Variants in RPS6KA2 observed in about 807,000 individuals in gnomAD.
RPS6KA2 encodes the protein ribosomal protein S6 kinase A2.
In RPS6KA2, 42 loss-of-function variants were observed where a neutral mutation model predicts 91.8. The observed-to-expected ratio is 0.46, with a 90% CI of 0.36 to 0.59. RPS6KA2 has a LOEUF of 0.59. RPS6KA2 is among the 20% of genes least tolerant of loss of function. The pLI is 0.00. For synonymous variants in RPS6KA2, 414 were observed against 393.6 expected (o/e 1.05, Z -0.61); for missense variants, 798 against 978.5 (o/e 0.82, Z 2.46).
At chr6:166,596,194 C>T (rs979797265) in intron 1 of RPS6KA2, among the ~76,000 whole-genome samples, 4 of 152,128 alleles carry the variant, frequency 2.6e-5, no homozygotes, top group Non-Finnish European at 4.4e-5. Flanking sequence ...GTAAGGTCCA[C>T]GTGATGATCA....
At chr6:166,845,390 C>T (rs1054278642) in intron 2 of RPS6KA2, among the ~76,000 whole-genome samples, 1 of 152,084 alleles carries the variant, frequency 6.6e-6, no homozygotes, top group Non-Finnish European at 1.5e-5. Context: ...AACATCCTGC[C>T]CAACAACTGC....
intron 2 of RPS6KA2, among the ~76,000 whole-genome samples, chr6:166,535,765 C>T (rs558606765): frequency 6.6e-6 from 1 of 152,342 alleles, no homozygotes; most frequent in Admixed American, 6.5e-5. Flanking sequence ...AATTGCTTTT[C>T]ATTTTGAGGA....
At chr6:166,458,146 T>G (rs1009154288) in intron 12 of RPS6KA2, among the ~76,000 whole-genome samples, 3 of 152,174 alleles carry the variant, frequency 2.0e-5, no homozygotes, top group South Asian at 2.1e-4. Flanking sequence ...CTTGATATGG[T>G]TCAGCTTTGT....
chr6:166,730,106 C>G (rs958397296), intron 2 of RPS6KA2, among the ~76,000 whole-genome samples: 1 of 152,192 alleles, frequency 6.6e-6, no homozygotes, highest in South Asian at 2.1e-4. Context: ...ATGCATGTAA[C>G]TTTCTATATT....
At chr6:166,575,713 T>G (rs113309510) in intron 1 of RPS6KA2, among the ~76,000 whole-genome samples, 1,937 of 152,324 alleles carry the variant, frequency 0.013, 22 homozygotes, top group Non-Finnish European at 0.017. Flanking sequence ...AGGACACTAA[T>G]GGGTCCACTG....
intron 2 of RPS6KA2, among the ~76,000 whole-genome samples, chr6:166,850,648 A>G (rs4710120): frequency 0.96 from 145,805 of 152,262 alleles, 70,123 homozygotes; most frequent in East Asian, 1. Context: ...CCTCGGCCAG[A>G]GTCACAGATC....
intron 2 of RPS6KA2, among the ~76,000 whole-genome samples, chr6:166,840,608 G>A (rs770678527): frequency 1.3e-5 from 2 of 152,198 alleles, no homozygotes; most frequent in Non-Finnish European, 2.9e-5. Context: ...CAAAATGCCA[G>A]TGAGTTGTGT....
At chr6:166,850,528 A>T (rs996004062) in intron 2 of RPS6KA2, among the ~76,000 whole-genome samples, 1 of 152,194 alleles carries the variant, frequency 6.6e-6, no homozygotes, top group Non-Finnish European at 1.5e-5. Context: ...TTGTGCACTC[A>T]TAAAGAAATA....
At chr6:166,530,205 T>C (rs1319328766) in intron 3 of RPS6KA2, among the ~76,000 whole-genome samples, 3 of 152,198 alleles carry the variant, frequency 2.0e-5, no homozygotes, top group Admixed American at 2.0e-4. Context: ...CAGAGCCTCA[T>C]GGGGCCCCAA....
chr6:166,767,892 T>C lies in RPS6KA2; in HGVS notation c.123+90308A>G, dbSNP rs1778363980. ...CATGGCAGAGCCTGCTCTCACTGTT[T>C]GGGTGCAAACCTTGGGGGTTTTATT... On this transcript the variant is annotated intron_variant, in intron 2 of 21. Transcript: ENST00000503859. This position sits in a 1 kb window ranked among gnomAD's most constrained non-coding sequence, Gnocchi z 4.6. 6.6e-6 allele frequency among the ~76,000 whole-genome samples: 1 copy of C among 152,076 alleles called. No individual in the cohort carries two copies. Among genetic ancestry groups the C allele is most frequent in the African/African-American group, 2.4e-5 (1 of 41,388 alleles).
rs1779209050 is a variant in RPS6KA2, at chr6:166,433,681, TA to T, written c.1333-1192del. Among the ~76,000 whole-genome samples, 1 of 152,244 alleles carries T rather than the reference TA, an allele frequency of 6.6e-6. No individual in the cohort carries two copies. Among genetic ancestry groups the T allele is most frequent in the Non-Finnish European group, 1.5e-5 (1 of 68,040 alleles). On this transcript the variant is annotated intron_variant, in intron 14 of 20. Coordinates refer to ENST00000265678, the MANE Select transcript of RPS6KA2 (RefSeq NM_021135.6). This position sits in a 1 kb window ranked among gnomAD's most constrained non-coding sequence, Gnocchi z 4.4. ...GGAGACCGTGCAGTCATTTTACTACTAGAATATGAGGGTGACTTGCTTTTAA... is the reference window on the plus strand; with the variant it reads ...GGAGACCGTGCAGTCATTTTACTACTGAATATGAGGGTGACTTGCTTTTAA...
upstream of RPS6KA2, among the ~76,000 whole-genome samples, chr6:166,628,362 C>T (rs1374235022): frequency 1.3e-5 from 2 of 152,226 alleles, no homozygotes; most frequent in East Asian, 3.9e-4. Flanking sequence ...TGACATAGCA[C>T]CATCACCACC....
rs769218479 is a variant in RPS6KA2 at position 166,423,307 on chromosome 6, C to G, written c.1692G>C (p.Gly564=). 6.2e-7 allele frequency: 1 copy of G among 1,614,024 alleles called. No individual in the cohort carries two copies. Among genetic ancestry groups the G allele is most frequent in the South Asian group, 1.1e-5 (1 of 91,088 alleles). The change falls in exon 17 of 21, where the codon GGG becomes GGC. Residue 564 remains glycine, a synonymous_variant. Coordinates refer to ENST00000265678, the MANE Select transcript of RPS6KA2 (RefSeq NM_021135.6). This position sits in a 1 kb window ranked among gnomAD's most constrained non-coding sequence, Gnocchi z 4.8. The part of the protein sequence containing the change: ...DFGFAKQLRA[G]NGLLMTPCYT... ...AGCAGGGTGTCATGAGCAGCCCGTT[C>G]CCCGCGCGCAGCTGCTTGGCAAAGC... is the stretch of plus-strand genomic sequence containing the variant.
Position 166,419,911 on chromosome 6 carries a change from C to T in RPS6KA2, c.1791G>A (p.Leu597=), listed in dbSNP as rs1238506647. The T allele has an allele frequency of 1.2e-6, 2 of 1,613,884 alleles. No individual in the cohort carries two copies. The highest frequency in any genetic ancestry group is 1.3e-5 in the African/African-American group (1 of 74,926). Residue 597 remains leucine, a synonymous_variant, in exon 18 of 21, where the codon TTG becomes TTA. Transcript: ENST00000265678. The surrounding 1 kb of genome is among the most constrained non-coding windows in gnomAD (Gnocchi z 5.6). Reference sequence around the variant, plus strand: ...CCAGCATGGTGTACAACAGGATCCCCAAACTCCAGATGTCACACGCCGCAT... The same window carrying T: ...CCAGCATGGTGTACAACAGGATCCCTAAACTCCAGATGTCACACGCCGCAT... ...GYDAACDIWS[L]GILLYTMLAG... is the part of the protein sequence containing the mutation.
intron 2 of RPS6KA2, among the ~76,000 whole-genome samples, chr6:166,842,789 G>T (rs966251098): frequency 6.6e-6 from 1 of 152,184 alleles, no homozygotes; most frequent in African/African-American, 2.4e-5. Context: ...GGCAGGACTG[G>T]CTTGCAGCTC....
chr6:166,836,102 G>A (rs6941092), intron 2 of RPS6KA2, among the ~76,000 whole-genome samples: 103,444 of 151,732 alleles, frequency 0.68, 35,348 homozygotes, highest in Middle Eastern at 0.75. Flanking sequence ...TATTCTTTTT[G>A]TATGTTGCTG....
chr6:166,661,098 C>CTTTTTCTTTTTTCTTT (rs145279087), intron 2 of RPS6KA2, among the ~76,000 whole-genome samples: 40,361 of 151,624 alleles, frequency 0.27, 5,408 homozygotes, highest in East Asian at 0.35. Flanking sequence ...TGGCCAAAAT[C>CTTTTTCTTTTTTCTTT]TTTTTCTTTT....
At position 166,533,128 on chromosome 6, in the gene RPS6KA2, T is replaced by G. The variant is rs1783350112; in HGVS notation, c.217-1815A>C. ...AAGGCAGTGGTCTGAGGACAGGATT[T>G]TTACAGAGAGAAAAACATTAGTGCT... On this transcript the variant is annotated intron_variant, in intron 2 of 20. Coordinates refer to ENST00000265678, the MANE Select transcript of RPS6KA2 (RefSeq NM_021135.6). The surrounding 1 kb of genome is among the most constrained non-coding windows in gnomAD (Gnocchi z 4.0). 1.3e-5 allele frequency among the ~76,000 whole-genome samples: 2 copies of G among 152,188 alleles called. No individual in the cohort carries two copies. Among genetic ancestry groups the G allele is most frequent in the African/African-American group, 4.8e-5 (2 of 41,444 alleles).
rs1562427863 is a variant in RPS6KA2, at chr6:166,767,810, CA to C, written c.123+90389del. Among the ~76,000 whole-genome samples, 10 of 140,132 alleles carry C rather than the reference CA, an allele frequency of 7.1e-5. No homozygotes were observed. The highest frequency in any genetic ancestry group is 2.1e-4 in the Admixed American group (3 of 14,228). 91.9% of individuals were successfully genotyped at this position (140,132 alleles called of 152,430 possible). A position where few individuals can be genotyped will look rare whatever the true frequency, so the allele number is the denominator to read the frequency against. The stretch of plus-strand genomic sequence containing the variant: ...ACACACACACACACACACACACACA[CA>C]CACACCCTGGTGTCAGGCAGCCGGC... On this transcript the variant is annotated intron_variant, in intron 2 of 21. Transcript: ENST00000503859. This position sits in a 1 kb window ranked among gnomAD's most constrained non-coding sequence, Gnocchi z 4.6.
Sources: allele counts gnomAD v4.1 joint callset (sites outside exome capture counted in the v4.1 genomes callset), GRCh38; gene constraint gnomAD v4.1.1; non-coding constraint Gnocchi (gnomAD v3.1); transcripts MANE v1.5; gene names NCBI Gene and HGNC (gene_info 2026-07-23, HGNC 2026-07-21).